Variants in GAS7 observed in about 807,000 individuals in gnomAD.
The protein encoded by GAS7 is growth arrest specific 7.
In GAS7, 28 loss-of-function variants were observed where a neutral mutation model predicts 71.1. The observed-to-expected ratio is 0.39, with a 90% CI of 0.29 to 0.54. The LOEUF is 0.54. GAS7 is among the 20% of genes least tolerant of loss of function. The pLI is 0.62. For missense variants in GAS7, 436 were observed against 627.8 expected, an observed-to-expected ratio of 0.69 and a Z score of 3.27; for synonymous variants, 258 against 245.8, an observed-to-expected ratio of 1.05 and a Z score of -0.46.
intron 1 of GAS7, among the ~76,000 whole-genome samples, chr17:10,085,357 AT>A (rs1305303812): frequency 7.9e-5 from 12 of 152,118 alleles, no homozygotes. Context: ...CCCCACCTCC[AT>A]CCCCTAGGCC....
At chr17:10,141,008 T>C (rs1335638605) in intron 1 of GAS7, among the ~76,000 whole-genome samples, 2 of 152,218 alleles carry the variant, frequency 1.3e-5, no homozygotes, top group African/African-American at 4.8e-5. Flanking sequence ...CCCACCCTGG[T>C]GTGCACCCAG....
chr17:9,916,850 C>A lies in GAS7; in HGVS notation c.*378G>T. The A allele has an allele frequency of 2.2e-6, 1 of 444,660 alleles. No homozygotes were observed. The highest frequency in any genetic ancestry group is 4.0e-6 in the Non-Finnish European group (1 of 251,932). The allele number at this position is 444,660 out of a possible 1,614,324, so 27.5% of individuals were successfully genotyped here. A position where few individuals can be genotyped will look rare whatever the true frequency, so the allele number is the denominator to read the frequency against. Reference sequence around the variant, plus strand: ...CCTCCCTACCCTGATCCTCCAAAGCCCTGGAGACAAGGGAGCCAGCTGGAG... The same window carrying A: ...CCTCCCTACCCTGATCCTCCAAAGCACTGGAGACAAGGGAGCCAGCTGGAG... On this transcript the variant is annotated 3_prime_UTR_variant, in exon 14 of 14. Coordinates refer to ENST00000432992, the MANE Select transcript of GAS7 (RefSeq NM_201433.2).
At chr17:10,167,520 G>C (rs991846143) in intron 1 of GAS7, among the ~76,000 whole-genome samples, 2 of 151,828 alleles carry the variant, frequency 1.3e-5, no homozygotes, top group Admixed American at 1.3e-4. Flanking sequence ...TGAGATGGTG[G>C]CTTGGCTCAT....
chr17:10,033,211 C>T (rs979100898), intron 1 of GAS7, among the ~76,000 whole-genome samples: 3 of 152,128 alleles, frequency 2.0e-5, no homozygotes, highest in Admixed American at 1.3e-4. Context: ...GTTGACCTAA[C>T]AGACTCCCTA....
chr17:10,022,535 G>T (rs1173826554), intron 1 of GAS7, among the ~76,000 whole-genome samples: 2 of 152,214 alleles, frequency 1.3e-5, no homozygotes, highest in Non-Finnish European at 2.9e-5. Context: ...TGCCAATCCT[G>T]CCTGGACCGC....
chr17:10,022,773 C>T (rs532883932), intron 1 of GAS7, among the ~76,000 whole-genome samples: 1 of 152,354 alleles, frequency 6.6e-6, no homozygotes, highest in African/African-American at 2.4e-5. Flanking sequence ...ACCCTAGCCT[C>T]ACCATCCCTC....
intron 1 of GAS7, among the ~76,000 whole-genome samples, chr17:10,046,411 C>T (rs2072957052): frequency 1.3e-5 from 2 of 150,640 alleles, no homozygotes; most frequent in Non-Finnish European, 2.9e-5. Flanking sequence ...AAAAAAAACT[C>T]GAGAACCATG....
chr17:10,091,126 C>T (rs1460436533), intron 1 of GAS7, among the ~76,000 whole-genome samples: 1 of 152,080 alleles, frequency 6.6e-6, no homozygotes, highest in African/African-American at 2.4e-5. Flanking sequence ...GTTTTACCTC[C>T]CATTCATCCT....
intron 2 of GAS7, among the ~76,000 whole-genome samples, chr17:9,989,360 T>C (rs2070758607): frequency 6.6e-6 from 1 of 152,098 alleles, no homozygotes; most frequent in African/African-American, 2.4e-5. Flanking sequence ...CAACACATAT[T>C]TGAGGGCCTA....
At chr17:10,196,223 G>GTGA (rs2074539355) in intron 1 of GAS7, among the ~76,000 whole-genome samples, 1 of 152,182 alleles carries the variant, frequency 6.6e-6, no homozygotes, top group Non-Finnish European at 1.5e-5. Context: ...GGCGCAGGGG[G>GTGA]TGATACTCAG....
Position 9,915,441 on chromosome 17 carries a change from T to C in GAS7, c.*1787A>G, listed in dbSNP as rs2067557354. 4.3e-6 allele frequency: 1 copy of C among 230,194 alleles called. No individual in the cohort carries two copies. The highest frequency in any genetic ancestry group is 8.6e-6 in the Non-Finnish European group (1 of 115,880). 14.3% of individuals were successfully genotyped at this position (230,194 alleles called of 1,614,324 possible). On this transcript the variant is annotated 3_prime_UTR_variant, in exon 14 of 14. Coordinates refer to ENST00000432992, the MANE Select transcript of GAS7 (RefSeq NM_201433.2). ...ACCCCAGATCTGGACAGAGTGGTTC[T>C]CCATCCCATGGACAGATCCTACCAG...
chr17:10,041,899 T>C (rs1451321466), intron 1 of GAS7, among the ~76,000 whole-genome samples: 1 of 152,206 alleles, frequency 6.6e-6, no homozygotes, highest in African/African-American at 2.4e-5. Flanking sequence ...ACCAACCCTC[T>C]TATTATTTTT....
In GAS7 at chr17:10,099,798, C is replaced by T. The variant is rs528411999; in HGVS notation, c.184-79901G>A. ...CCTGGCCTTCTCCCCAAGGTATACCCTCTCACCAACCTAATATATTCAAAA... is the reference window on the plus strand; with the variant it reads ...CCTGGCCTTCTCCCCAAGGTATACCTTCTCACCAACCTAATATATTCAAAA... On this transcript the variant is annotated intron_variant, in intron 1 of 13. Coordinates refer to ENST00000432992, the MANE Select transcript of GAS7 (RefSeq NM_201433.2). 1.9e-4 allele frequency among the ~76,000 whole-genome samples: 29 copies of T among 152,346 alleles called. 1 individual carries two copies. In the South Asian group the frequency reaches 5.8e-3, roughly 30 times the overall value.
chr17:9,982,333 A>T (rs1280324865), intron 2 of GAS7, among the ~76,000 whole-genome samples: 2 of 152,184 alleles, frequency 1.3e-5, no homozygotes, highest in African/African-American at 2.4e-5. Flanking sequence ...GAGGTGCAGG[A>T]GCCTGTAAAG....
chr17:9,945,982 T>C lies in GAS7; in HGVS notation c.615+912A>G, dbSNP rs1364843127. Reference sequence around the variant, plus strand: ...CTGGGTGAGACAGAGTGAGACTCTGTCTCAAAAAATCCATTCTTGCAAAGT... The same window carrying C: ...CTGGGTGAGACAGAGTGAGACTCTGCCTCAAAAAATCCATTCTTGCAAAGT... On this transcript the variant is annotated intron_variant, in intron 6 of 13. Coordinates refer to ENST00000432992, the MANE Select transcript of GAS7 (RefSeq NM_201433.2). 2.0e-5 allele frequency among the ~76,000 whole-genome samples: 3 copies of C among 152,104 alleles called. No homozygotes were observed. In the East Asian group the frequency reaches 5.8e-4, roughly 29 times the overall value.
Position 9,958,828 on chromosome 17 carries a change from C to T in GAS7, c.525+374G>A, listed in dbSNP as rs144292838. ...TACTTTGACATCTTCCAGAAGTTAC[C>T]CCGCACAAAAGCAACCCTGCCGTGG... is the stretch of plus-strand genomic sequence containing the variant. On this transcript the variant is annotated intron_variant, in intron 5 of 13. Transcript: ENST00000432992. 73 of 266,662 alleles carry T rather than the reference C, an allele frequency of 2.7e-4. No homozygotes were observed. The East Asian group carries it at 6.8e-3, about 25-fold the overall frequency. The allele number at this position is 266,662 out of a possible 1,614,324, so 16.5% of individuals were successfully genotyped here. A position where few individuals can be genotyped will look rare whatever the true frequency, so the allele number is the denominator to read the frequency against.
intron 1 of GAS7, among the ~76,000 whole-genome samples, chr17:10,049,122 C>G (rs1230292319): frequency 6.6e-6 from 1 of 152,344 alleles, no homozygotes; most frequent in East Asian, 1.9e-4. Context: ...TAGGGACACT[C>G]TGCTGGGAGG....
chr17:9,965,832 C>T (rs1254059521), intron 4 of GAS7, among the ~76,000 whole-genome samples: 2 of 152,104 alleles, frequency 1.3e-5, no homozygotes, highest in Non-Finnish European at 2.9e-5. Context: ...CCTGTGCCCA[C>T]CCATCCAGGT....
chr17:9,923,823 T>C (rs575996774), intron 11 of GAS7, among the ~76,000 whole-genome samples: 2 of 152,318 alleles, frequency 1.3e-5, no homozygotes, highest in South Asian at 2.1e-4. Flanking sequence ...GCAGGTACAA[T>C]AACACAGCTT....
Sources: allele counts gnomAD v4.1 joint callset (sites outside exome capture counted in the v4.1 genomes callset), GRCh38; gene constraint gnomAD v4.1.1; transcripts MANE v1.5; gene names NCBI Gene and HGNC (gene_info 2026-07-23, HGNC 2026-07-21).